ABHD16A: variants seen among roughly 807,000 people sequenced by gnomAD.
The protein encoded by ABHD16A is abhydrolase domain containing 16A, phospholipase.
A neutral mutation model predicts 89.8 loss-of-function variants in ABHD16A; 47 were observed. That is an observed-to-expected ratio of 0.52 (90% CI 0.41 to 0.67). ABHD16A has a LOEUF of 0.67. Ranked by LOEUF, ABHD16A falls within the 30% of genes least tolerant of loss-of-function variation. The pLI, the probability that ABHD16A is intolerant of heterozygous loss-of-function variation, is 0.00. For missense variants in ABHD16A, 580 were observed against 734.6 expected, an observed-to-expected ratio of 0.79 and a Z score of 2.43; for synonymous variants, 251 against 280.4, an observed-to-expected ratio of 0.90 and a Z score of 1.05.
At chr6:31,702,006 G>A in intron 2 of ABHD16A, 68 bp downstream of exon 2, 1 of 1,584,848 alleles carries the variant, frequency 6.3e-7, no homozygotes, top group East Asian at 2.2e-5. Flanking sequence ...CCAAGTTAGG[G>A]AGGGCTAAGT....
intron 4 of ABHD16A, among the ~76,000 whole-genome samples, chr6:31,700,314 C>T (rs181031044): frequency 5.3e-5 from 8 of 152,038 alleles, no homozygotes; most frequent in South Asian, 2.1e-4. Context: ...TTGGTAGAGA[C>T]GGGGTTTTAC....
At position 31,693,409 on chromosome 6, in the gene ABHD16A, A is replaced by G; in HGVS notation, c.453T>C (p.Phe151=). ...AGTCGACTGGCCAGCTCCGGAAGTC[A>G]AAGTTGTAGTTGGCAAGCTGCCTCT... ...ENKRQLANYN[F]DFRSWPVDFH... Residue 151 remains phenylalanine, a synonymous_variant, in exon 6 of 20, where the codon TTT becomes TTC. Transcript: ENST00000395952. The surrounding 1 kb of genome is among the most constrained non-coding windows in gnomAD (Gnocchi z 5.0). 6.2e-7 allele frequency: 1 copy of G among 1,613,042 alleles called. No individual in the cohort carries two copies. Among genetic ancestry groups the G allele is most frequent in the Non-Finnish European group, 8.5e-7 (1 of 1,180,016 alleles).
At position 31,688,721 on chromosome 6, in the gene ABHD16A, A is replaced by C; in HGVS notation, c.1250+2T>G. 1 of 1,612,914 alleles carries C rather than the reference A, an allele frequency of 6.2e-7. No homozygotes were observed. The highest frequency in any genetic ancestry group is 8.5e-7 in the Non-Finnish European group (1 of 1,179,980). The stretch of plus-strand genomic sequence containing the variant: ...CAATGCCGGACGCTGGCCGGCCCTC[A>C]CCTGCACAGCTGCTCCGCGTTGTTT... On this transcript the variant is annotated splice_donor_variant, in intron 14 of 19. Coordinates refer to ENST00000395952, the MANE Select transcript of ABHD16A (RefSeq NM_021160.3). LOFTEE classifies it high-confidence loss of function. This position sits in a 1 kb window ranked among gnomAD's most constrained non-coding sequence, Gnocchi z 4.9.
Position 31,687,652 on chromosome 6 carries a change from G to A in ABHD16A, c.1536C>T (p.Pro512=), listed in dbSNP as rs1645152429. The A allele has an allele frequency of 1.2e-6, 2 of 1,612,804 alleles. No individual in the cohort carries two copies. The highest frequency in any genetic ancestry group is 1.1e-5 in the South Asian group (1 of 91,092). The change falls in exon 18 of 20, where the codon CCC becomes CCT. Residue 512 remains proline (P), a synonymous_variant. Coordinates refer to ENST00000395952, the MANE Select transcript of ABHD16A (RefSeq NM_021160.3). The surrounding 1 kb of genome is among the most constrained non-coding windows in gnomAD (Gnocchi z 6.3). ...SYQAEHGPDF[P]WSVGEDMSAD... ...CCAGGAGCTCCTTACCCACGCTCCA[G>A]GGGAAGTCGGGCCCGTGTTCTGCCT... is the stretch of plus-strand genomic sequence containing the variant.
chr6:31,694,295 G>A (rs1289835362), intron 5 of ABHD16A, among the ~76,000 whole-genome samples: 1 of 151,434 alleles, frequency 6.6e-6, no homozygotes, highest in Non-Finnish European at 1.5e-5. Context: ...GGGCTGAAGC[G>A]ATCCTCCTGC....
At chr6:31,701,447 T>C in intron 2 of ABHD16A, 107 bp from the exon 3 acceptor site, 1 of 899,274 alleles carries the variant, frequency 1.1e-6, no homozygotes, top group Non-Finnish European at 1.8e-6. Flanking sequence ...CTGAGGGATA[T>C]CATATCATAT....
rs1211741295 is a variant in ABHD16A at position 31,687,364 on chromosome 6, C to G, written c.1594-69G>C. On this transcript the variant is annotated intron_variant, in intron 19 of 19. Transcript: ENST00000395952. This position sits in a 1 kb window ranked among gnomAD's most constrained non-coding sequence, Gnocchi z 6.3. ...GGAGGGGCAGCCACTGGACTCCCTC[C>G]CCACCCTCCACTTCCGCATCCACCA... 1.9e-6 allele frequency: 3 copies of G among 1,596,576 alleles called. No homozygotes were observed. The highest frequency in any genetic ancestry group is 2.7e-5 in the African/African-American group (2 of 74,432).
intron 4 of ABHD16A, among the ~76,000 whole-genome samples, chr6:31,700,684 G>C (rs1804883803): frequency 6.6e-6 from 1 of 151,440 alleles, no homozygotes; most frequent in South Asian, 2.1e-4. Flanking sequence ...ATCACTTTGA[G>C]TTCAGGAGTT....
intron 4 of ABHD16A, among the ~76,000 whole-genome samples, chr6:31,700,422 C>T (rs1234689709): frequency 6.6e-6 from 1 of 152,180 alleles, no homozygotes; most frequent in African/African-American, 2.4e-5. Context: ...CCACACCCGG[C>T]CACACAGAAC....
intron 5 of ABHD16A, among the ~76,000 whole-genome samples, chr6:31,695,556 T>C (rs1804304552): frequency 6.6e-6 from 1 of 151,458 alleles, no homozygotes; most frequent in African/African-American, 2.4e-5. Context: ...AAACCCCATC[T>C]CTACTAAAAA....
At chr6:31,691,316 T>C (rs1583680695) in intron 9 of ABHD16A, 1 of 451,994 alleles carries the variant, frequency 2.2e-6, no homozygotes, top group East Asian at 3.3e-5. Flanking sequence ...CATATATATA[T>C]GAGAATTAAA....
At chr6:31,689,520 C>T in intron 12 of ABHD16A, 61 bp downstream of exon 12, 2 of 1,473,940 alleles carry the variant, frequency 1.4e-6, no homozygotes, top group Non-Finnish European at 1.8e-6. Context: ...CCCACCTCTC[C>T]CGGGTGGGGC....
At chr6:31,701,808 T>C (rs114276434) in intron 2 of ABHD16A, among the ~76,000 whole-genome samples, 3,949 of 152,302 alleles carry the variant, frequency 0.026, 150 homozygotes, top group Non-Finnish European at 0.026. Context: ...ACTGCAGGAC[T>C]TAGCACCTGC....
intron 7 of ABHD16A, 68 bp downstream of exon 7, chr6:31,692,959 C>G (rs961892607): frequency 6.2e-7 from 1 of 1,606,174 alleles, no homozygotes. Context: ...AATGGAGCGC[C>G]CACTCCCAGA....
rs1339225377 is a variant in ABHD16A at position 31,690,465 on chromosome 6, G to T, written c.907+74C>A. The T allele has an allele frequency of 2.0e-6, 3 of 1,505,242 alleles. No individual in the cohort carries two copies. The African/African-American group carries it at 4.1e-5, about 21-fold the overall frequency. The allele number at this position is 1,505,242 out of a possible 1,614,324, so 93.2% of individuals were successfully genotyped here. ...CCCAGAGAAAGCAGAGGCCAGGGGA[G>T]GTCAGGTCAGTGTGGGAGGCAGGGA... is the stretch of plus-strand genomic sequence containing the variant. On this transcript the variant is annotated intron_variant, in intron 10 of 19. Transcript: ENST00000395952. This position sits in a 1 kb window ranked among gnomAD's most constrained non-coding sequence, Gnocchi z 4.1.
chr6:31,688,979 C>A lies in ABHD16A; in HGVS notation c.1186+36G>T, dbSNP rs751478666. 1.8e-5 allele frequency: 29 copies of A among 1,586,590 alleles called. No individual in the cohort carries two copies. Among genetic ancestry groups the A allele is most frequent in the South Asian group, 1.7e-4 (15 of 88,856 alleles). ...AACAGTTCCCAGTTCCAGCCCACCCCTTCCCAGGAAGGGCAGGCCTGGGAG... is the reference window on the plus strand; with the variant it reads ...AACAGTTCCCAGTTCCAGCCCACCCATTCCCAGGAAGGGCAGGCCTGGGAG... On this transcript the variant is annotated intron_variant, in intron 13 of 19. Coordinates refer to ENST00000395952, the MANE Select transcript of ABHD16A (RefSeq NM_021160.3). The surrounding 1 kb of genome is among the most constrained non-coding windows in gnomAD (Gnocchi z 4.9).
chr6:31,688,117 G>A lies in ABHD16A; in HGVS notation c.1308-14C>T, dbSNP rs772025083. On this transcript the variant is annotated splice_polypyrimidine_tract_variant and intron_variant, in intron 15 of 19. Coordinates refer to ENST00000395952, the MANE Select transcript of ABHD16A (RefSeq NM_021160.3). This position sits in a 1 kb window ranked among gnomAD's most constrained non-coding sequence, Gnocchi z 4.9. ...TCCTCAGGAACCCTGGGGGTGAGAA[G>A]AATGTACCCTGGAGGGGCTGGAGGT... 1.2e-6 allele frequency: 2 copies of A among 1,610,746 alleles called. No homozygotes were observed. The highest frequency in any genetic ancestry group is 1.3e-5 in the African/African-American group (1 of 75,014).
In ABHD16A at chr6:31,698,555, G is replaced by A. The variant is rs931073088; in HGVS notation, c.344-1522C>T. ...GGCGGGAGTGCAATGATGTGCTCTC[G>A]GCTCACTGCAACCTCCGCCTCCCGG... On this transcript the variant is annotated intron_variant, in intron 4 of 19. Coordinates refer to ENST00000395952, the MANE Select transcript of ABHD16A (RefSeq NM_021160.3). This position sits in a 1 kb window ranked among gnomAD's most constrained non-coding sequence, Gnocchi z 4.1. 6.6e-6 allele frequency among the ~76,000 whole-genome samples: 1 copy of A among 151,238 alleles called. No homozygotes were observed. Among genetic ancestry groups the A allele is most frequent in the Non-Finnish European group, 1.5e-5 (1 of 67,912 alleles).
rs1804080047 is a variant in ABHD16A, at chr6:31,693,217, G to A, written c.504-68C>T. The A allele has an allele frequency of 6.3e-7, 1 of 1,591,602 alleles. No individual in the cohort carries two copies. The highest frequency in any genetic ancestry group is 8.6e-7 in the Non-Finnish European group (1 of 1,166,406). ...GCAAGCTGGATGTCTGAGGTCTGGA[G>A]AACAGTGGGGTCTAGGAACGACATA... On this transcript the variant is annotated intron_variant, in intron 6 of 19. Transcript: ENST00000395952. This position sits in a 1 kb window ranked among gnomAD's most constrained non-coding sequence, Gnocchi z 5.0.
Sources: gnomAD v4.1 joint callset for allele counts (sites outside exome capture counted in the v4.1 genomes callset) on GRCh38, gnomAD v4.1.1 for gene constraint, Gnocchi (gnomAD v3.1) non-coding constraint, MANE v1.5 for transcripts, NCBI Gene and HGNC (gene_info 2026-07-23, HGNC 2026-07-21) for gene names.